GPC6: variants seen among roughly 807,000 people sequenced by gnomAD.
GPC6 encodes the protein glypican-6.
In GPC6, 14 loss-of-function variants were observed where a neutral mutation model predicts 55.2. The observed-to-expected ratio is 0.25, with a 90% CI of 0.17 to 0.40. The LOEUF is 0.40. Ranked by LOEUF, GPC6 falls within the 10% of genes least tolerant of loss-of-function variation. The pLI is 1.00. For synonymous variants in GPC6, 278 were observed against 259.6 expected (o/e 1.07, Z -0.68); for missense variants, 641 against 708.5 (o/e 0.90, Z 1.08).
intron 3 of GPC6, among the ~76,000 whole-genome samples, chr13:93,922,436 A>G (rs1335674560): frequency 6.6e-6 from 1 of 152,204 alleles, no homozygotes; most frequent in Non-Finnish European, 1.5e-5. Flanking sequence ...TCTTCATATT[A>G]AATAATTATA....
At chr13:94,350,103 A>AGT (rs760257919) in intron 6 of GPC6, among the ~76,000 whole-genome samples, 1 of 138,090 alleles carries the variant, frequency 7.2e-6, no homozygotes. Flanking sequence ...TTATGTGTGC[A>AGT]GTGTGTGTGT....
rs1400532847 is a variant in GPC6 at position 94,105,602 on chromosome 13, G to A, written c.877+77708G>A. 3.3e-5 allele frequency among the ~76,000 whole-genome samples: 5 copies of A among 152,184 alleles called. No individual in the cohort carries two copies. In the East Asian group the frequency reaches 7.7e-4, roughly 23 times the overall value. Reference sequence around the variant, plus strand: ...AAATGGACAGGCTGAAGGAAGGTGAGAGAGAGCATATGGGAAGTGAAAACA... The same window carrying A: ...AAATGGACAGGCTGAAGGAAGGTGAAAGAGAGCATATGGGAAGTGAAAACA... On this transcript the variant is annotated intron_variant, in intron 4 of 8. Transcript: ENST00000377047.
intron 1 of GPC6, among the ~76,000 whole-genome samples, chr13:93,538,307 A>G (rs897523054): frequency 4.6e-5 from 7 of 152,314 alleles, no homozygotes; most frequent in African/African-American, 1.7e-4. Flanking sequence ...TATATGTAAG[A>G]AGCTGCCTTA....
intron 1 of GPC6, among the ~76,000 whole-genome samples, chr13:93,403,600 A>G (rs1487907584): frequency 6.6e-6 from 1 of 152,178 alleles, no homozygotes; most frequent in Non-Finnish European, 1.5e-5. Flanking sequence ...AAACTACTGT[A>G]TTGCAATCCA....
intron 2 of GPC6, among the ~76,000 whole-genome samples, chr13:93,770,704 G>A (rs893320657): frequency 4.6e-5 from 7 of 152,066 alleles, no homozygotes; most frequent in African/African-American, 1.7e-4. Flanking sequence ...CCCAGACCCA[G>A]CAACTGCTTT....
intron 1 of GPC6, among the ~76,000 whole-genome samples, chr13:93,469,271 G>C (rs1019341120): frequency 6.6e-6 from 1 of 151,794 alleles, no homozygotes; most frequent in Non-Finnish European, 1.5e-5. Flanking sequence ...TTAAATAACT[G>C]TCTACTTCAA....
At chr13:93,927,788 A>G (rs2140351430) in intron 3 of GPC6, among the ~76,000 whole-genome samples, 1 of 152,262 alleles carries the variant, frequency 6.6e-6, no homozygotes, top group Non-Finnish European at 1.5e-5. Context: ...AATTTAACAC[A>G]ATTCCTGTTA....
chr13:93,681,011 GA>G (rs1203220254), intron 2 of GPC6, among the ~76,000 whole-genome samples: 1 of 152,096 alleles, frequency 6.6e-6, no homozygotes, highest in African/African-American at 2.4e-5. Flanking sequence ...TTTGAATTAG[GA>G]CAGCAGCTGT....
At chr13:93,677,472 A>G (rs1261549035) in intron 2 of GPC6, among the ~76,000 whole-genome samples, 1 of 152,034 alleles carries the variant, frequency 6.6e-6, no homozygotes, top group Non-Finnish European at 1.5e-5. Flanking sequence ...AGTCATTACA[A>G]AGGCTTATTA....
chr13:93,724,174 G>A (rs1330512521), intron 2 of GPC6, among the ~76,000 whole-genome samples: 1 of 151,824 alleles, frequency 6.6e-6, no homozygotes, highest in Non-Finnish European at 1.5e-5. Flanking sequence ...CAGATTCCCT[G>A]ACTAAATTTT....
intron 4 of GPC6, among the ~76,000 whole-genome samples, chr13:94,227,177 A>G (rs888665312): frequency 6.6e-6 from 1 of 152,202 alleles, no homozygotes; most frequent in Non-Finnish European, 1.5e-5. Context: ...TGCCAGTTAA[A>G]TATAATTATA....
intron 2 of GPC6, among the ~76,000 whole-genome samples, chr13:93,686,782 G>T (rs1882065983): frequency 6.6e-6 from 1 of 152,012 alleles, no homozygotes; most frequent in Admixed American, 6.6e-5. Context: ...TACAGAGTTT[G>T]AATACTTAAA....
intron 1 of GPC6, among the ~76,000 whole-genome samples, chr13:93,389,025 G>A (rs936241049): frequency 6.6e-6 from 1 of 152,082 alleles, no homozygotes; most frequent in African/African-American, 2.4e-5. Context: ...TAAAACATCA[G>A]TATTAAGATA....
At chr13:93,592,427 A>C (rs1181754140) in intron 2 of GPC6, among the ~76,000 whole-genome samples, 1 of 147,986 alleles carries the variant, frequency 6.8e-6, no homozygotes. Flanking sequence ...ATATATATAT[A>C]TTTAGTAGAG....
intron 4 of GPC6, among the ~76,000 whole-genome samples, chr13:94,219,574 G>A (rs1458900696): frequency 1.3e-5 from 2 of 152,130 alleles, no homozygotes; most frequent in Non-Finnish European, 2.9e-5. Flanking sequence ...CCAAGCCAGT[G>A]CTCATTACAG....
intron 4 of GPC6, among the ~76,000 whole-genome samples, chr13:94,220,262 T>A (rs953562554): frequency 6.6e-6 from 1 of 152,238 alleles, no homozygotes; most frequent in East Asian, 1.9e-4. Context: ...CTCACATACG[T>A]TCCAAGTCCT....
intron 4 of GPC6, among the ~76,000 whole-genome samples, chr13:94,210,091 T>A (rs1186293594): frequency 2.0e-5 from 3 of 151,752 alleles, no homozygotes; most frequent in Non-Finnish European, 2.9e-5. Context: ...CAAGCAATCC[T>A]CCCTCCTTAG....
intron 4 of GPC6, among the ~76,000 whole-genome samples, chr13:94,122,934 G>C (rs2138855887): frequency 6.6e-6 from 1 of 152,098 alleles, no homozygotes; most frequent in Admixed American, 6.6e-5. Context: ...TTATTAAAAT[G>C]TTTCTAAGCT....
intron 4 of GPC6, among the ~76,000 whole-genome samples, chr13:94,110,564 T>C (rs143433931): frequency 1.3e-5 from 2 of 151,904 alleles, no homozygotes; most frequent in East Asian, 3.9e-4. Context: ...GGAGGAGGGG[T>C]TAGAAAATAA....
Sources: allele counts gnomAD v4.1 joint callset (sites outside exome capture counted in the v4.1 genomes callset), GRCh38; gene constraint gnomAD v4.1.1; transcripts MANE v1.5; gene names NCBI Gene and HGNC (gene_info 2026-07-23, HGNC 2026-07-21).